Variants in SPATA16 observed in about 807,000 individuals in gnomAD.
SPATA16 encodes spermatogenesis-associated protein 16.
In SPATA16, 36 loss-of-function variants were observed where a neutral mutation model predicts 63.3. That is an observed-to-expected ratio of 0.57 (90% CI 0.44 to 0.75). SPATA16 has a LOEUF of 0.75. Among genes scored for constraint, SPATA16 ranks in the 30% least tolerant of loss-of-function variants. The probability of loss-of-function intolerance (pLI) is 0.00; values close to 1 mark genes in which losing one functional copy is unlikely to be tolerated. For synonymous variants in SPATA16, 203 were observed against 216.7 expected (o/e 0.94, Z 0.56); for missense variants, 646 against 679.3 (o/e 0.95, Z 0.54).
chr3:172,928,912 C>G (rs1732800654), intron 6 of SPATA16, among the ~76,000 whole-genome samples: 1 of 152,066 alleles, frequency 6.6e-6, no homozygotes, highest in Non-Finnish European at 1.5e-5. Context: ...AACATTTAGC[C>G]TAACAGGTGG....
chr3:172,942,055 T>C (rs1195593937), intron 6 of SPATA16, among the ~76,000 whole-genome samples: 5 of 152,060 alleles, frequency 3.3e-5, no homozygotes, highest in African/African-American at 4.8e-5. Flanking sequence ...GGGAAAAGCA[T>C]GTGGACTAAA....
chr3:173,028,915 T>A (rs887389266), intron 3 of SPATA16, among the ~76,000 whole-genome samples: 3 of 152,052 alleles, frequency 2.0e-5, no homozygotes, highest in African/African-American at 7.2e-5. Context: ...GAATATGGAA[T>A]GAAATAAATA....
chr3:172,906,017 A>G (rs1023173229), intron 10 of SPATA16, among the ~76,000 whole-genome samples: 2 of 152,234 alleles, frequency 1.3e-5, no homozygotes, highest in African/African-American at 4.8e-5. Flanking sequence ...GATCTTCTCA[A>G]TGCCAGGTTT....
chr3:173,116,399 A>C (rs1737901163), intron 2 of SPATA16, among the ~76,000 whole-genome samples: 1 of 152,204 alleles, frequency 6.6e-6, no homozygotes, highest in Non-Finnish European at 1.5e-5. Context: ...CCAATGGTGC[A>C]TACAGTTTGG....
At chr3:173,082,445 C>G (rs1362135181) in intron 2 of SPATA16, among the ~76,000 whole-genome samples, 1 of 152,178 alleles carries the variant, frequency 6.6e-6, no homozygotes, top group Non-Finnish European at 1.5e-5. Flanking sequence ...CCATCCAGAA[C>G]TTCAGAAGGG....
intron 8 of SPATA16, 36 bp downstream of exon 8, chr3:172,924,172 G>A: frequency 6.8e-7 from 1 of 1,475,020 alleles, no homozygotes. Context: ...TCTAATATTT[G>A]TACATTGGAC....
intron 2 of SPATA16, among the ~76,000 whole-genome samples, chr3:173,075,511 T>C (rs1488394534): frequency 1.3e-5 from 2 of 152,168 alleles, no homozygotes; most frequent in Non-Finnish European, 2.9e-5. Flanking sequence ...ATAGCCAAGA[T>C]ATGGAATCAA....
At chr3:172,982,786 C>T (rs1734350817) in intron 4 of SPATA16, among the ~76,000 whole-genome samples, 1 of 152,138 alleles carries the variant, frequency 6.6e-6, no homozygotes, top group Non-Finnish European at 1.5e-5. Context: ...GGTGCTTTTA[C>T]AGATTGGATA....
chr3:172,901,577 A>T (rs757651017), intron 10 of SPATA16, among the ~76,000 whole-genome samples: 6 of 152,188 alleles, frequency 3.9e-5, no homozygotes, highest in Non-Finnish European at 8.8e-5. Context: ...TCAGTTTGAG[A>T]TCTTTCCGGT....
At chr3:172,979,244 G>GA (rs34735050) in intron 4 of SPATA16, among the ~76,000 whole-genome samples, 2,796 of 144,918 alleles carry the variant, frequency 0.019, 85 homozygotes, top group African/African-American at 0.066. Flanking sequence ...CTCAAAAAAA[G>GA]AAAAAAAAAA....
intron 1 of SPATA16, among the ~76,000 whole-genome samples, chr3:173,127,259 T>C (rs961865683): frequency 6.6e-6 from 1 of 152,192 alleles, no homozygotes; most frequent in African/African-American, 2.4e-5. Flanking sequence ...GAAAGTAAGT[T>C]GTATACATCA....
chr3:172,899,454 G>T (rs1026428875), intron 10 of SPATA16, among the ~76,000 whole-genome samples: 3 of 151,696 alleles, frequency 2.0e-5, no homozygotes, highest in Non-Finnish European at 4.4e-5. Context: ...AACCACTATT[G>T]CTTCCCTTTT....
At chr3:172,924,486 G>A (rs1732683734) in intron 7 of SPATA16, among the ~76,000 whole-genome samples, 169 bp from the exon 8 acceptor site, 1 of 152,104 alleles carries the variant, frequency 6.6e-6, no homozygotes, top group African/African-American at 2.4e-5. Context: ...AAGATCTATG[G>A]GGAGAAAGGC....
rs528721959 is a variant in SPATA16, at chr3:172,925,692, C to G, written c.1082-200G>C. Among the ~76,000 whole-genome samples the G allele has an allele frequency of 9.9e-5, 15 of 152,262 alleles. 1 individual carries two copies. The highest frequency in any genetic ancestry group is 2.6e-4 in the African/African-American group (11 of 41,570). On this transcript the variant is annotated intron_variant, in intron 6 of 10. Coordinates refer to ENST00000351008, the MANE Select transcript of SPATA16 (RefSeq NM_031955.6). ...ATTTCATTACACTTTTCTTAGTAAT[C>G]TAAGCATACACAAAGCATAACAATA... is the stretch of plus-strand genomic sequence containing the variant.
At chr3:172,900,871 G>T (rs1345494236) in intron 10 of SPATA16, among the ~76,000 whole-genome samples, 7 of 151,940 alleles carry the variant, frequency 4.6e-5, no homozygotes. Context: ...TCGAACTCCT[G>T]ACCTCATGAT....
At chr3:172,974,952 A>G (rs7638466) in intron 5 of SPATA16, among the ~76,000 whole-genome samples, 4,406 of 152,192 alleles carry the variant, frequency 0.029, 184 homozygotes, top group African/African-American at 0.1. Context: ...CCAATCAAGA[A>G]ACAGGGAATA....
intron 1 of SPATA16, among the ~76,000 whole-genome samples, chr3:173,122,933 GCTATAT>G (rs1427510533): frequency 6.6e-6 from 1 of 152,186 alleles, no homozygotes; most frequent in African/African-American, 2.4e-5. Context: ...TGTCTGAGGT[GCTATAT>G]TCTACAGTAT....
At chr3:172,988,554 T>TCA (rs555902677) in intron 4 of SPATA16, among the ~76,000 whole-genome samples, 151 of 152,262 alleles carry the variant, frequency 9.9e-4, no homozygotes, top group African/African-American at 3.5e-3. Context: ...TGAGATCCAC[T>TCA]CAGAGATGTT....
At chr3:173,130,017 A>G (rs1738328881) in intron 1 of SPATA16, among the ~76,000 whole-genome samples, 1 of 152,208 alleles carries the variant, frequency 6.6e-6, no homozygotes, top group Admixed American at 6.5e-5. Flanking sequence ...ATTACATATC[A>G]CTGTAAAGTA....
Sources: allele counts gnomAD v4.1 joint callset (sites outside exome capture counted in the v4.1 genomes callset), GRCh38; gene constraint gnomAD v4.1.1; transcripts MANE v1.5; gene names NCBI Gene and HGNC (gene_info 2026-07-23, HGNC 2026-07-21).